Variants in TRPM6 observed in about 807,000 individuals in gnomAD.
The protein encoded by TRPM6 is transient receptor potential cation channel subfamily M member 6.
Under a neutral mutation model 247.6 loss-of-function variants are expected in TRPM6, and 111 were observed. That is an observed-to-expected ratio of 0.45 (90% confidence interval 0.38 to 0.52). The LOEUF is 0.52. TRPM6 is among the 20% of genes least tolerant of loss of function. TRPM6 has a pLI of 0.00. For missense variants in TRPM6, 2,126 were observed against 2,421.5 expected (o/e 0.88, Z 2.56); for synonymous variants, 892 against 853.8 (o/e 1.04, Z -0.78).
intron 6 of TRPM6, among the ~76,000 whole-genome samples, chr9:74,829,971 A>T (rs1026352859): frequency 3.3e-5 from 5 of 152,252 alleles, no homozygotes; most frequent in Admixed American, 6.5e-5. Context: ...AAAGAAAAAA[A>T]TTTTTAAGAA....
chr9:74,785,799 A>G lies in TRPM6; in HGVS notation c.2919+75T>C. ...TGGCCTCCCAAAGTGCTGGGATTAC[A>G]GGTGTGAGCCACCACACCTGGCTAA... On this transcript the variant is annotated intron_variant, in intron 21 of 38. Transcript: ENST00000360774. 5.1e-6 allele frequency: 8 copies of G among 1,554,422 alleles called. No homozygotes were observed. The Admixed American group carries it at 8.3e-5, about 16-fold the overall frequency.
chr9:74,851,693 G>A (rs1388608210), intron 3 of TRPM6, among the ~76,000 whole-genome samples: 1 of 150,598 alleles, frequency 6.6e-6, no homozygotes, highest in Admixed American at 6.6e-5. Flanking sequence ...AGGTTGTGGT[G>A]AGCCAAGATT....
At chr9:74,787,571 A>G (rs1331239412) in intron 20 of TRPM6, among the ~76,000 whole-genome samples, 1 of 152,244 alleles carries the variant, frequency 6.6e-6, no homozygotes. Context: ...ACAAAGAAGT[A>G]TACAATGTTG....
chr9:74,784,113 G>A (rs1490436452), intron 21 of TRPM6, among the ~76,000 whole-genome samples: 1 of 151,830 alleles, frequency 6.6e-6, no homozygotes, highest in Non-Finnish European at 1.5e-5. Flanking sequence ...AAAATTAGCC[G>A]GGCATGGTGG....
At chr9:74,818,293 CTTTTTTTTTT>C (rs1161401022) in intron 9 of TRPM6, among the ~76,000 whole-genome samples, 14 of 72,006 alleles carry the variant, frequency 1.9e-4, no homozygotes, top group Admixed American at 4.4e-4. Flanking sequence ...TCTATCATTT[CTTTTTTTTTT>C]TTTTTTTTTT....
intron 28 of TRPM6, among the ~76,000 whole-genome samples, chr9:74,753,301 AC>A (rs1343888247): frequency 6.6e-6 from 1 of 152,122 alleles, no homozygotes; most frequent in Non-Finnish European, 1.5e-5. Context: ...TGAGAATAAT[AC>A]TTATTAGGAG....
chr9:74,739,461 G>T lies in TRPM6; in HGVS notation c.5488-12C>A. ...TGTTGTTGAATTTCCTACAAAATAG[G>T]GAGCACTGATAAAAATACTGATTTA... On this transcript the variant is annotated splice_polypyrimidine_tract_variant and intron_variant, in intron 34 of 38. Transcript: ENST00000360774. 6.2e-7 allele frequency: 1 copy of T among 1,611,168 alleles called. No individual in the cohort carries two copies. The highest frequency in any genetic ancestry group is 8.5e-7 in the Non-Finnish European group (1 of 1,177,506).
intron 3 of TRPM6, among the ~76,000 whole-genome samples, chr9:74,850,636 C>T (rs143416721): frequency 6.6e-6 from 1 of 151,968 alleles, no homozygotes. Flanking sequence ...AGGAGAATTG[C>T]TTGAACCTAG....
intron 18 of TRPM6, among the ~76,000 whole-genome samples, chr9:74,795,666 T>C (rs1437267839): frequency 6.6e-6 from 1 of 151,946 alleles, no homozygotes; most frequent in East Asian, 1.9e-4. Flanking sequence ...ATGGGAAGAG[T>C]CTTCTTCTGC....
intron 7 of TRPM6, among the ~76,000 whole-genome samples, chr9:74,822,408 C>T (rs1829160469): frequency 7.5e-6 from 1 of 134,028 alleles, no homozygotes; most frequent in South Asian, 3.1e-4. Flanking sequence ...TACCACCACA[C>T]CTAGCTTTTT....
chr9:74,813,202 AC>A (rs1319099384), intron 11 of TRPM6, among the ~76,000 whole-genome samples: 2 of 152,214 alleles, frequency 1.3e-5, no homozygotes, highest in Non-Finnish European at 2.9e-5. Flanking sequence ...CATTAAAACT[AC>A]AGTAAAGGGA....
intron 17 of TRPM6, among the ~76,000 whole-genome samples, chr9:74,799,205 T>C (rs1828212988): frequency 6.6e-6 from 1 of 152,148 alleles, no homozygotes; most frequent in Non-Finnish European, 1.5e-5. Flanking sequence ...AGTGGAAAAA[T>C]AGTCATGTTT....
intron 11 of TRPM6, among the ~76,000 whole-genome samples, chr9:74,815,305 AAAG>A (rs1347021043): frequency 6.6e-6 from 1 of 152,242 alleles, no homozygotes; most frequent in Non-Finnish European, 1.5e-5. Context: ...TGAAAACAAA[AAAG>A]AAGTGTTTAC....
intron 11 of TRPM6, among the ~76,000 whole-genome samples, chr9:74,813,560 T>C (rs550861513): frequency 1.3e-5 from 2 of 152,290 alleles, no homozygotes; most frequent in South Asian, 4.1e-4. Flanking sequence ...AAGACATGAA[T>C]ATGTTGGTAT....
At chr9:74,755,587 G>T in intron 27 of TRPM6, 114 bp from the exon 28 acceptor site, 1 of 1,328,800 alleles carries the variant, frequency 7.5e-7, no homozygotes. Context: ...GGCTGCATAT[G>T]ACAATTGCCT....
intron 13 of TRPM6, among the ~76,000 whole-genome samples, chr9:74,809,141 C>T (rs998823585): frequency 4.6e-5 from 7 of 152,162 alleles, no homozygotes; most frequent in African/African-American, 1.7e-4. Context: ...TTCGAGACCA[C>T]CACAATAAAG....
Position 74,728,176 on chromosome 9 carries a change from G to C in TRPM6, c.5935+63C>G, listed in dbSNP as rs552607410. On this transcript the variant is annotated intron_variant, in intron 38 of 38. Transcript: ENST00000360774. ...ATTACGATTTTCTACTTTATCCCAG[G>C]TTACAAAGGATGTTGTTCTATGAGA... The C allele has an allele frequency of 6.7e-5, 82 of 1,222,796 alleles. 2 individuals are homozygous for C. The Admixed American group carries it at 1.0e-3, about 15-fold the overall frequency. The allele number at this position is 1,222,796 out of a possible 1,614,324, so 75.7% of individuals were successfully genotyped here.
rs143042474 is a variant in TRPM6, at chr9:74,809,151, G to C, written c.1498-977C>G. On this transcript the variant is annotated intron_variant, in intron 13 of 38. Transcript: ENST00000360774. ...TTCAGTTCGAGACCACCACAATAAA[G>C]AGAATATTGCAATAAAGCAAAACAA... Among the ~76,000 whole-genome samples, 1,375 of 152,274 alleles carry C rather than the reference G, an allele frequency of 9.0e-3. 26 individuals are homozygous for C. The highest frequency in any genetic ancestry group is 0.031 in the African/African-American group (1,304 of 41,550).
chr9:74,849,967 T>C (rs894543796), intron 3 of TRPM6, among the ~76,000 whole-genome samples: 6 of 152,224 alleles, frequency 3.9e-5, no homozygotes, highest in African/African-American at 1.4e-4. Flanking sequence ...AGGTGATCAG[T>C]GGGCTAAGGA....
Sources: allele counts gnomAD v4.1 joint callset (sites outside exome capture counted in the v4.1 genomes callset), GRCh38; gene constraint gnomAD v4.1.1; transcripts MANE v1.5; gene names NCBI Gene and HGNC (gene_info 2026-07-23, HGNC 2026-07-21).